Variants in KLHL1 observed in about 807,000 individuals in gnomAD.
KLHL1 encodes kelch like family member 1.
KLHL1 carries 47 observed loss-of-function variants against 77.7 expected under a neutral mutation model. The ratio of observed to expected loss-of-function variants is 0.60; its 90% CI spans 0.48 to 0.77. The LOEUF (loss-of-function observed/expected upper bound fraction) is 0.77. KLHL1 is among the 30% of genes least tolerant of loss of function. The pLI is 0.00. For missense variants in KLHL1, 925 were observed against 910.8 expected, an observed-to-expected ratio of 1.02 and a Z score of -0.20; for synonymous variants, 360 against 325.2, an observed-to-expected ratio of 1.11 and a Z score of -1.15.
chr13:69,722,568 C>T (rs1222662828), intron 8 of KLHL1, among the ~76,000 whole-genome samples: 1 of 151,766 alleles, frequency 6.6e-6, no homozygotes, highest in Admixed American at 6.6e-5. Flanking sequence ...CAGCACTAAC[C>T]ATCAGAGAAA....
intron 6 of KLHL1, among the ~76,000 whole-genome samples, chr13:69,833,254 C>A (rs1412385898): frequency 6.6e-6 from 1 of 151,838 alleles, no homozygotes; most frequent in African/African-American, 2.4e-5. Flanking sequence ...TCAAACATAT[C>A]AGCAAGAAAC....
At chr13:69,966,962 A>G (rs563440328) in intron 2 of KLHL1, among the ~76,000 whole-genome samples, 1 of 152,160 alleles carries the variant, frequency 6.6e-6, no homozygotes, top group Non-Finnish European at 1.5e-5. Context: ...TAATGGCTGA[A>G]TAGTATTCCA....
At chr13:69,822,786 A>G (rs1878388425) in intron 6 of KLHL1, among the ~76,000 whole-genome samples, 1 of 152,184 alleles carries the variant, frequency 6.6e-6, no homozygotes, top group Admixed American at 6.5e-5. Flanking sequence ...TAACCTTATA[A>G]TATAGAATAA....
chr13:70,101,496 T>C (rs1887922795), intron 1 of KLHL1, among the ~76,000 whole-genome samples: 1 of 152,172 alleles, frequency 6.6e-6, no homozygotes, highest in African/African-American at 2.4e-5. Flanking sequence ...TGGCGCGATC[T>C]CGGCTTACTG....
chr13:69,876,322 G>T (rs375499431), intron 5 of KLHL1, among the ~76,000 whole-genome samples: 1 of 152,080 alleles, frequency 6.6e-6, no homozygotes, highest in Non-Finnish European at 1.5e-5. Flanking sequence ...TGAAGAGTCC[G>T]TATGTCACTG....
At chr13:69,755,838 G>T (rs113873415) in intron 7 of KLHL1, among the ~76,000 whole-genome samples, 5 of 152,028 alleles carry the variant, frequency 3.3e-5, no homozygotes, top group African/African-American at 1.2e-4. Context: ...AATGAAACAT[G>T]TGGGTAGTGG....
intron 1 of KLHL1, among the ~76,000 whole-genome samples, chr13:70,059,381 G>T (rs917491457): frequency 7.2e-5 from 11 of 152,068 alleles, no homozygotes; most frequent in Admixed American, 2.0e-4. Context: ...TGTTGGCCAG[G>T]CTGGTCTCAA....
At chr13:70,097,077 C>T (rs1045035051) in intron 1 of KLHL1, among the ~76,000 whole-genome samples, 1 of 151,930 alleles carries the variant, frequency 6.6e-6, no homozygotes, top group African/African-American at 2.4e-5. Flanking sequence ...AAGGCACATC[C>T]AACATCATGG....
intron 4 of KLHL1, among the ~76,000 whole-genome samples, chr13:69,930,604 C>T (rs909894375): frequency 6.6e-6 from 1 of 151,806 alleles, no homozygotes. Flanking sequence ...GCACATACAA[C>T]AAAGCAAACT....
intron 1 of KLHL1, among the ~76,000 whole-genome samples, chr13:70,098,344 C>A (rs1314210006): frequency 6.6e-6 from 1 of 151,698 alleles, no homozygotes; most frequent in African/African-American, 2.4e-5. Context: ...TATCTAGATT[C>A]CATAAATGTT....
intron 7 of KLHL1, among the ~76,000 whole-genome samples, chr13:69,758,484 C>T (rs1020490008): frequency 2.0e-5 from 3 of 151,988 alleles, no homozygotes; most frequent in Admixed American, 6.6e-5. Flanking sequence ...GACAAAATGA[C>T]TTTTTCTTAC....
intron 6 of KLHL1, among the ~76,000 whole-genome samples, chr13:69,804,480 G>C (rs1212142390): frequency 6.6e-6 from 1 of 152,048 alleles, no homozygotes; most frequent in African/African-American, 2.4e-5. Flanking sequence ...TCACAAAAAA[G>C]CTCCTAAAAA....
At chr13:70,028,347 A>G (rs967372012) in intron 1 of KLHL1, among the ~76,000 whole-genome samples, 1 of 152,178 alleles carries the variant, frequency 6.6e-6, no homozygotes, top group Non-Finnish European at 1.5e-5. Flanking sequence ...ATAATTCAGT[A>G]TATATATAGA....
intron 5 of KLHL1, among the ~76,000 whole-genome samples, chr13:69,876,550 T>C (rs1441243785): frequency 2.6e-5 from 4 of 152,354 alleles, no homozygotes; most frequent in Non-Finnish European, 5.9e-5. Flanking sequence ...GATTAAACCA[T>C]ATTCCTCTAA....
chr13:69,979,645 T>A (rs10507776), intron 1 of KLHL1, among the ~76,000 whole-genome samples: 6 of 152,018 alleles, frequency 3.9e-5, no homozygotes, highest in African/African-American at 1.5e-4. Context: ...TTACAGTTTC[T>A]TTCCAATCGA....
At chr13:69,936,592 C>CA (rs57906720) in intron 4 of KLHL1, among the ~76,000 whole-genome samples, 25,733 of 79,626 alleles carry the variant, frequency 0.32, 3,695 homozygotes, top group Non-Finnish European at 0.39. Context: ...GACTCCATCT[C>CA]AAAAAAAAAA....
intron 8 of KLHL1, among the ~76,000 whole-genome samples, chr13:69,730,951 C>T (rs946410200): frequency 2.0e-5 from 3 of 152,010 alleles, no homozygotes; most frequent in African/African-American, 4.8e-5. Context: ...GATAGTTTTA[C>T]TTTTAATATT....
chr13:69,751,112 A>ACG (rs1188202533), intron 7 of KLHL1, among the ~76,000 whole-genome samples: 5 of 141,094 alleles, frequency 3.5e-5, no homozygotes, highest in Non-Finnish European at 7.8e-5. Context: ...TCATGTGTGT[A>ACG]TGTGTGTGTG....
chr13:70,006,576 A>T (rs1427252011), intron 1 of KLHL1, among the ~76,000 whole-genome samples: 1 of 150,200 alleles, frequency 6.7e-6, no homozygotes, highest in African/African-American at 2.5e-5. Context: ...AGACTCCACC[A>T]GTGAAGCCAT....
Sources: allele counts gnomAD v4.1 joint callset (sites outside exome capture counted in the v4.1 genomes callset), GRCh38; gene constraint gnomAD v4.1.1; transcripts MANE v1.5; gene names NCBI Gene and HGNC (gene_info 2026-07-23, HGNC 2026-07-21).